Variants in HNRNPLL observed in about 807,000 individuals in gnomAD.
HNRNPLL encodes the protein heterogeneous nuclear ribonucleoprotein L-like.
Under a neutral mutation model 67.1 loss-of-function variants are expected in HNRNPLL, and 25 were observed. That is an observed-to-expected ratio of 0.37 (90% confidence interval 0.27 to 0.52). The LOEUF (loss-of-function observed/expected upper bound fraction) is 0.52, where lower values mean the gene tolerates loss of function less well. Ranked by LOEUF, HNRNPLL falls within the 20% of genes least tolerant of loss-of-function variation. The probability of loss-of-function intolerance (pLI) is 0.90; values close to 1 mark genes in which losing one functional copy is unlikely to be tolerated. For synonymous variants in HNRNPLL, 267 were observed against 241.7 expected, an observed-to-expected ratio of 1.10 and a Z score of -0.97; for missense variants, 542 against 673.9, an observed-to-expected ratio of 0.80 and a Z score of 2.17.
chr2:38,567,458 G>C (rs1286729663), intron 12 of HNRNPLL, among the ~76,000 whole-genome samples: 1 of 151,918 alleles, frequency 6.6e-6, no homozygotes, highest in African/African-American at 2.4e-5. Flanking sequence ...CACTAGGGAA[G>C]AAAAAAAGAA....
At chr2:38,601,408 T>C (rs556501274) in intron 1 of HNRNPLL, among the ~76,000 whole-genome samples, 1 of 152,238 alleles carries the variant, frequency 6.6e-6, no homozygotes, top group Non-Finnish European at 1.5e-5. Flanking sequence ...AGGATATATG[T>C]GTACAGTTTC....
chr2:38,581,678 G>A lies in HNRNPLL; in HGVS notation c.802+235C>T, dbSNP rs1473102191. ...AAATGCAAGTCCTTGAACTGCGGGCGTGCCTGAATGTGTGGGCTCCTTGTT... is the reference window on the plus strand; with the variant it reads ...AAATGCAAGTCCTTGAACTGCGGGCATGCCTGAATGTGTGGGCTCCTTGTT... On this transcript the variant is annotated intron_variant, in intron 6 of 12. Coordinates refer to ENST00000449105, the MANE Select transcript of HNRNPLL (RefSeq NM_138394.4). The A allele has an allele frequency of 5.1e-5, 27 of 529,340 alleles. No homozygotes were observed. In the Admixed American group the frequency reaches 6.7e-4, roughly 13 times the overall value. The allele number at this position is 529,340 out of a possible 1,614,324, so 32.8% of individuals were successfully genotyped here.
chr2:38,567,114 A>AT (rs984786519), intron 12 of HNRNPLL, among the ~76,000 whole-genome samples: 2 of 151,766 alleles, frequency 1.3e-5, no homozygotes, highest in African/African-American at 4.8e-5. Flanking sequence ...TTTTTATTTT[A>AT]TTTTTTTGAG....
chr2:38,594,028 A>G (rs954003702), intron 1 of HNRNPLL, among the ~76,000 whole-genome samples: 2 of 151,132 alleles, frequency 1.3e-5, no homozygotes, highest in African/African-American at 4.9e-5. Flanking sequence ...CAAAAAAATT[A>G]GCCGGGCATG....
intron 2 of HNRNPLL, among the ~76,000 whole-genome samples, chr2:38,586,711 A>G (rs1002375764): frequency 1.3e-5 from 2 of 152,174 alleles, no homozygotes; most frequent in Non-Finnish European, 2.9e-5. Context: ...ATCTCCTCCA[A>G]AACATTTTAA....
At chr2:38,580,996 TTA>T (rs1298163285) in intron 6 of HNRNPLL, 25 of 152,200 alleles carry the variant, frequency 1.6e-4, no homozygotes, top group African/African-American at 6.0e-4. Flanking sequence ...CACCTTTTCA[TTA>T]TGTTAGAATT....
At chr2:38,571,794 TTAAAA>T (rs1198937660) in intron 8 of HNRNPLL, among the ~76,000 whole-genome samples, 1 of 152,160 alleles carries the variant, frequency 6.6e-6, no homozygotes. Flanking sequence ...AGCTTATCAT[TTAAAA>T]TGTTTTAAAA....
chr2:38,602,431 T>C lies in HNRNPLL; in HGVS notation c.189+7A>G. 6.5e-7 allele frequency: 1 copy of C among 1,539,722 alleles called. No individual in the cohort carries two copies. The highest frequency in any genetic ancestry group is 8.7e-7 in the Non-Finnish European group (1 of 1,150,160). The stretch of plus-strand genomic sequence containing the variant: ...GCACAGCGGACAGGGGGGCCGCGCT[T>C]TGTTACCGGCTGAGAGAAGCTCCGG... On this transcript the variant is annotated splice_region_variant and intron_variant, in intron 1 of 12. Coordinates refer to ENST00000449105, the MANE Select transcript of HNRNPLL (RefSeq NM_138394.4).
chr2:38,573,491 T>C (rs1033914651), intron 7 of HNRNPLL, 64 bp from the exon 8 acceptor site: 2 of 1,059,900 alleles, frequency 1.9e-6, no homozygotes, highest in East Asian at 2.5e-5. Context: ...GTAAATACTT[T>C]AGTAGATATA....
At position 38,591,625 on chromosome 2, in the gene HNRNPLL, TTTA is replaced by T; in HGVS notation, c.210_212del (p.His70_Lys71delinsGln). On this transcript the variant is annotated inframe_deletion, in exon 2 of 13. Transcript: ENST00000449105. ...CATGGACGACGGGTGAAACAGAAAC[TTTA>T]TGATGACTTCCACCTGCCTCCTAGC... 6.2e-7 allele frequency: 1 copy of T among 1,612,466 alleles called. No homozygotes were observed. The highest frequency in any genetic ancestry group is 1.1e-5 in the South Asian group (1 of 91,044).
At chr2:38,571,858 C>A (rs938755151) in intron 8 of HNRNPLL, among the ~76,000 whole-genome samples, 1 of 152,054 alleles carries the variant, frequency 6.6e-6, no homozygotes, top group Admixed American at 6.5e-5. Flanking sequence ...AAATAACATA[C>A]AAAAAATCTA....
At chr2:38,587,803 T>G (rs576479373) in intron 2 of HNRNPLL, among the ~76,000 whole-genome samples, 1 of 152,316 alleles carries the variant, frequency 6.6e-6, no homozygotes, top group Non-Finnish European at 1.5e-5. Context: ...TATTGAATTG[T>G]GATCGCCGAT....
chr2:38,578,571 A>G (rs1399393692), intron 6 of HNRNPLL, among the ~76,000 whole-genome samples: 2 of 152,052 alleles, frequency 1.3e-5, no homozygotes, highest in African/African-American at 4.8e-5. Context: ...ACTTCAGTCT[A>G]GAGAAGTAGA....
At chr2:38,579,875 G>A (rs891129610) in intron 6 of HNRNPLL, among the ~76,000 whole-genome samples, 4 of 151,982 alleles carry the variant, frequency 2.6e-5, no homozygotes, top group African/African-American at 7.3e-5. Context: ...TTATGGTCTC[G>A]CAAGACAAAT....
intron 2 of HNRNPLL, among the ~76,000 whole-genome samples, chr2:38,590,570 G>A (rs1409215898): frequency 6.6e-6 from 1 of 152,182 alleles, no homozygotes; most frequent in East Asian, 1.9e-4. Context: ...GAATTTTTAA[G>A]TGTCTATTTT....
intron 6 of HNRNPLL, chr2:38,580,944 C>T (rs1433619807): frequency 6.6e-6 from 1 of 152,134 alleles, no homozygotes; most frequent in Non-Finnish European, 1.5e-5. Context: ...AGCCACTTTA[C>T]AAAAATCAAA....
At chr2:38,600,275 C>T (rs567203660) in intron 1 of HNRNPLL, among the ~76,000 whole-genome samples, 10 of 147,198 alleles carry the variant, frequency 6.8e-5, no homozygotes, top group Admixed American at 5.2e-4. Flanking sequence ...CCTCAATCTG[C>T]TTATATCAGT....
At position 38,562,420 on chromosome 2, in the gene HNRNPLL, T is replaced by C. The variant is rs2148328122; in HGVS notation, c.*1762A>G. 6.6e-6 allele frequency: 1 copy of C among 152,282 alleles called. No individual in the cohort carries two copies. Among genetic ancestry groups the C allele is most frequent in the African/African-American group, 2.4e-5 (1 of 41,576 alleles). 9.4% of individuals were successfully genotyped at this position (152,282 alleles called of 1,614,324 possible). ...TCCTGCCAACACCTACAGGTTTATT[T>C]CTTAAAATCTTAGGCATTAAAAAGT... On this transcript the variant is annotated 3_prime_UTR_variant, in exon 13 of 13. Coordinates refer to ENST00000449105, the MANE Select transcript of HNRNPLL (RefSeq NM_138394.4).
At chr2:38,581,597 G>T (rs1333795751) in intron 6 of HNRNPLL, 2 of 429,654 alleles carry the variant, frequency 4.7e-6, no homozygotes, top group Non-Finnish European at 8.2e-6. Context: ...TTTGCAGTTT[G>T]TAAGGAATAT....
Sources: gnomAD v4.1 joint callset for allele counts (sites outside exome capture counted in the v4.1 genomes callset) on GRCh38, gnomAD v4.1.1 for gene constraint, MANE v1.5 for transcripts, NCBI Gene and HGNC (gene_info 2026-07-23, HGNC 2026-07-21) for gene names.